CHST9: variants seen among roughly 807,000 people sequenced by gnomAD.
CHST9 encodes GalNAc-4-sulfotransferase 2.
CHST9 carries 41 observed loss-of-function variants against 44.4 expected under a neutral mutation model. That is an observed-to-expected ratio of 0.92 (90% confidence interval 0.72 to 1.20). The LOEUF is 1.20. CHST9 is among the 50% of genes most tolerant of loss of function. The pLI, the probability that CHST9 is intolerant of heterozygous loss-of-function variation, is 0.00. For synonymous variants in CHST9, 171 were observed against 178.4 expected (o/e 0.96, Z 0.33); for missense variants, 504 against 516.5 (o/e 0.98, Z 0.23).
intron 2 of CHST9, among the ~76,000 whole-genome samples, chr18:27,130,199 C>T (rs1242010400): frequency 1.3e-5 from 2 of 152,126 alleles, no homozygotes; most frequent in Admixed American, 1.3e-4. Context: ...GGTAGTATTA[C>T]ATTACTGAAT....
chr18:27,154,579 T>G (rs568689937), intron 1 of CHST9, among the ~76,000 whole-genome samples: 22 of 152,232 alleles, frequency 1.4e-4, no homozygotes, highest in African/African-American at 5.3e-4. Flanking sequence ...GTCAACAGAT[T>G]AGCCATTGGC....
intron 4 of CHST9, among the ~76,000 whole-genome samples, chr18:26,965,490 T>C (rs1470159716): frequency 6.6e-6 from 1 of 152,232 alleles, no homozygotes; most frequent in African/African-American, 2.4e-5. Flanking sequence ...TAGTTTGACC[T>C]GGCCTGTAGC....
At chr18:27,019,436 T>C (rs752996122) in intron 4 of CHST9, among the ~76,000 whole-genome samples, 1 of 152,154 alleles carries the variant, frequency 6.6e-6, no homozygotes, top group Non-Finnish European at 1.5e-5. Flanking sequence ...CCAAGGAACA[T>C]TTCTCAGTTC....
In CHST9 at chr18:26,917,070, G is replaced by T; in HGVS notation, c.521C>A (p.Thr174Asn). The T allele has an allele frequency of 1.9e-6, 3 of 1,613,858 alleles. No homozygotes were observed. In the South Asian group the frequency reaches 3.3e-5, roughly 18 times the overall value. ...AAGGAAAGACCTTCGTTTCTCTTGG[G>T]TCTCCTCAGTTTTCTTCCATTTATT... ...KDNKWKKTEE[T>N]QEKRRSFLQE... is the part of the protein sequence containing the mutation. The change falls in exon 6 of 6, where the codon ACC becomes AAC. Residue 174 changes from threonine (T) to asparagine (N), a missense_variant. Transcript: ENST00000618847.
chr18:26,956,723 GT>G (rs1203669767), intron 4 of CHST9, among the ~76,000 whole-genome samples: 1 of 152,108 alleles, frequency 6.6e-6, no homozygotes, highest in Non-Finnish European at 1.5e-5. Context: ...AGGGGGATAT[GT>G]TTTAACTATA....
At chr18:27,184,627 G>A (rs1161913915) in intron 1 of CHST9, among the ~76,000 whole-genome samples, 1 of 152,072 alleles carries the variant, frequency 6.6e-6, no homozygotes, top group East Asian at 1.9e-4. Flanking sequence ...CGCGGAGTTT[G>A]AGACTGACGC....
intron 2 of CHST9, among the ~76,000 whole-genome samples, chr18:27,086,209 C>T (rs115603919): frequency 1.3e-5 from 2 of 152,294 alleles, no homozygotes; most frequent in African/African-American, 2.4e-5. Flanking sequence ...TACACAAAAC[C>T]TCCATGACAC....
chr18:27,062,721 T>C (rs910217924), intron 2 of CHST9, among the ~76,000 whole-genome samples: 7 of 152,166 alleles, frequency 4.6e-5, no homozygotes, highest in Non-Finnish European at 8.8e-5. Flanking sequence ...TTCTAGATCC[T>C]TGAGGAATCG....
At chr18:27,114,165 T>C (rs1880623944) in intron 2 of CHST9, among the ~76,000 whole-genome samples, 1 of 152,220 alleles carries the variant, frequency 6.6e-6, no homozygotes, top group South Asian at 2.1e-4. Context: ...TATAATGTTA[T>C]ATGTTATGCA....
intron 1 of CHST9, among the ~76,000 whole-genome samples, chr18:27,164,851 C>T (rs1241244974): frequency 6.6e-6 from 1 of 152,128 alleles, no homozygotes; most frequent in Non-Finnish European, 1.5e-5. Context: ...AAACAATTAT[C>T]ACTTAAAATT....
At chr18:27,121,020 G>C (rs573130812) in intron 2 of CHST9, among the ~76,000 whole-genome samples, 24 of 151,996 alleles carry the variant, frequency 1.6e-4, no homozygotes, top group Non-Finnish European at 3.4e-4. Context: ...TTATTTATTT[G>C]AGATGAGGTC....
At chr18:27,131,101 TA>T (rs2058467668) in intron 2 of CHST9, among the ~76,000 whole-genome samples, 1 of 152,198 alleles carries the variant, frequency 6.6e-6, no homozygotes. Flanking sequence ...TACTTTTCAC[TA>T]CAAACTACTA....
rs546702494 is a variant in CHST9, at chr18:27,181,182, G to T, written c.-97+3954C>A. Among the ~76,000 whole-genome samples, 21 of 152,226 alleles carry T rather than the reference G, an allele frequency of 1.4e-4. No homozygotes were observed. The South Asian group carries it at 4.1e-3, about 30-fold the overall frequency. On this transcript the variant is annotated intron_variant, in intron 1 of 5. Transcript: ENST00000618847. ...GGCAGTTCTAACCTTCCACACAGAG[G>T]TTTTCTAAATTCTAACAGTCCACAG...
intron 2 of CHST9, among the ~76,000 whole-genome samples, chr18:27,070,600 A>T (rs2057827866): frequency 6.6e-6 from 1 of 152,178 alleles, no homozygotes; most frequent in Admixed American, 6.5e-5. Context: ...TTTAATGAAG[A>T]TGTGTTTATT....
intron 2 of CHST9, among the ~76,000 whole-genome samples, chr18:27,125,545 C>T (rs1173269951): frequency 2.0e-5 from 3 of 152,114 alleles, no homozygotes; most frequent in Non-Finnish European, 4.4e-5. Context: ...TTCATATTAA[C>T]TTTTCCCCTT....
At chr18:27,101,405 C>T (rs1306823141) in intron 2 of CHST9, among the ~76,000 whole-genome samples, 6 of 151,456 alleles carry the variant, frequency 4.0e-5, no homozygotes, top group Non-Finnish European at 7.4e-5. Context: ...TACTGGCTAA[C>T]ACGGTGAAAC....
chr18:27,158,249 C>A (rs1359941736), intron 1 of CHST9, among the ~76,000 whole-genome samples: 1 of 147,614 alleles, frequency 6.8e-6, no homozygotes, highest in Non-Finnish European at 1.5e-5. Flanking sequence ...TGCTATCCCT[C>A]CCCCTTCCCC....
At chr18:27,180,671 C>G (rs2058904845) in intron 1 of CHST9, among the ~76,000 whole-genome samples, 1 of 152,158 alleles carries the variant, frequency 6.6e-6, no homozygotes, top group African/African-American at 2.4e-5. Context: ...TGCTCTGCCA[C>G]TACCAGTGTG....
At chr18:26,989,729 T>C (rs1291299297) in intron 4 of CHST9, among the ~76,000 whole-genome samples, 4 of 152,156 alleles carry the variant, frequency 2.6e-5, no homozygotes, top group Non-Finnish European at 5.9e-5. Flanking sequence ...ACTTTTGGAT[T>C]GCTTGAGGCC....
Sources: gnomAD v4.1 joint callset for allele counts (sites outside exome capture counted in the v4.1 genomes callset) on GRCh38, gnomAD v4.1.1 for gene constraint, MANE v1.5 for transcripts, NCBI Gene and HGNC (gene_info 2026-07-23, HGNC 2026-07-21) for gene names.